MCTP2: variants seen among roughly 807,000 people sequenced by gnomAD.
MCTP2 encodes multiple C2 and transmembrane domain containing 2.
A neutral mutation model predicts 111.6 loss-of-function variants in MCTP2; 132 were observed. That is an observed-to-expected ratio of 1.18 (90% confidence interval 1.03 to 1.37). The LOEUF (loss-of-function observed/expected upper bound fraction) is 1.37, where lower values mean the gene tolerates loss of function less well. Among genes scored for constraint, MCTP2 ranks in the 40% most tolerant of loss-of-function variants. The probability of loss-of-function intolerance (pLI) is 0.00; values close to 1 mark genes in which losing one functional copy is unlikely to be tolerated. For missense variants in MCTP2, 1,183 were observed against 1,067.9 expected (o/e 1.11, Z -1.50); for synonymous variants, 395 against 387.7 (o/e 1.02, Z -0.22).
chr15:94,277,970 A>G (rs1359424091), intron 1 of MCTP2, among the ~76,000 whole-genome samples: 1 of 152,184 alleles, frequency 6.6e-6, no homozygotes, highest in Non-Finnish European at 1.5e-5. Flanking sequence ...AAATCTCTAT[A>G]CTTTCTACAC....
intron 22 of MCTP2, among the ~76,000 whole-genome samples, chr15:94,477,371 T>C (rs1308375112): frequency 6.6e-6 from 1 of 152,154 alleles, no homozygotes; most frequent in Non-Finnish European, 1.5e-5. Context: ...CAGATAATGG[T>C]CACCTAGTCC....
At chr15:94,311,356 T>C (rs1025845922) in intron 2 of MCTP2, among the ~76,000 whole-genome samples, 1 of 152,176 alleles carries the variant, frequency 6.6e-6, no homozygotes, top group East Asian at 1.9e-4. Context: ...TCTCGTAATA[T>C]TGGTATTCTG....
At chr15:94,414,660 T>C (rs1016026584) in intron 17 of MCTP2, among the ~76,000 whole-genome samples, 1 of 152,158 alleles carries the variant, frequency 6.6e-6, no homozygotes, top group African/African-American at 2.4e-5. Context: ...AGGATTTTAT[T>C]TGATTTTCCC....
At chr15:94,404,574 C>T (rs1448153281) in intron 17 of MCTP2, among the ~76,000 whole-genome samples, 10 of 152,186 alleles carry the variant, frequency 6.6e-5, no homozygotes, top group Non-Finnish European at 1.3e-4. Flanking sequence ...GCTAGGATTA[C>T]AGGCTTGAGC....
chr15:94,443,428 T>A (rs2083904056), intron 19 of MCTP2, among the ~76,000 whole-genome samples: 1 of 152,204 alleles, frequency 6.6e-6, no homozygotes, highest in African/African-American at 2.4e-5. Context: ...CCTGGGAGAA[T>A]CTCTCAAATC....
chr15:94,421,084 G>A (rs900042437), intron 17 of MCTP2, among the ~76,000 whole-genome samples: 2 of 147,184 alleles, frequency 1.4e-5, no homozygotes, highest in Admixed American at 6.8e-5. Context: ...CTGAAAGCTC[G>A]GATGATAGTA....
chr15:94,305,026 G>A (rs991876193), intron 2 of MCTP2, among the ~76,000 whole-genome samples: 3 of 152,122 alleles, frequency 2.0e-5, no homozygotes, highest in African/African-American at 7.2e-5. Flanking sequence ...GTATGTCTGG[G>A]TGCTGACGGA....
At chr15:94,421,715 C>A (rs2082637746) in intron 17 of MCTP2, among the ~76,000 whole-genome samples, 2 of 152,172 alleles carry the variant, frequency 1.3e-5, no homozygotes, top group Non-Finnish European at 2.9e-5. Context: ...CTTTTAAGAA[C>A]CCTTGGGATT....
At chr15:94,454,740 CTT>C (rs776868017) in intron 19 of MCTP2, among the ~76,000 whole-genome samples, 44 of 151,916 alleles carry the variant, frequency 2.9e-4, no homozygotes, top group Admixed American at 1.4e-3. Context: ...CCAAAAAACA[CTT>C]TATTTTTCTA....
intron 4 of MCTP2, among the ~76,000 whole-genome samples, chr15:94,336,460 ACCT>A (rs2077364989): frequency 6.6e-6 from 1 of 151,902 alleles, no homozygotes; most frequent in Admixed American, 6.6e-5. Context: ...GCACCATGTA[ACCT>A]CCTGGAGTGC....
chr15:94,470,649 G>A (rs904937875), intron 21 of MCTP2, among the ~76,000 whole-genome samples: 1 of 152,200 alleles, frequency 6.6e-6, no homozygotes, highest in African/African-American at 2.4e-5. Flanking sequence ...TAGGCCTCTT[G>A]CATAATTGCA....
intron 11 of MCTP2, among the ~76,000 whole-genome samples, chr15:94,369,097 A>G (rs913635284): frequency 1.1e-4 from 17 of 152,196 alleles, no homozygotes; most frequent in African/African-American, 4.1e-4. Context: ...TTCATTTCAA[A>G]TGCGTTCTCT....
At chr15:94,261,208 T>C (rs944499253) in intron 1 of MCTP2, among the ~76,000 whole-genome samples, 1 of 152,180 alleles carries the variant, frequency 6.6e-6, no homozygotes, top group African/African-American at 2.4e-5. Flanking sequence ...CTCCCTAAAA[T>C]GTATAAAACC....
intron 1 of MCTP2, chr15:94,273,796 G>A: frequency 4.8e-6 from 1 of 206,584 alleles, no homozygotes; most frequent in South Asian, 1.1e-4. Context: ...TATTCAGAAA[G>A]AAATATGTCC....
chr15:94,320,683 C>A (rs2076594355), intron 4 of MCTP2, among the ~76,000 whole-genome samples: 1 of 152,104 alleles, frequency 6.6e-6, no homozygotes, highest in Non-Finnish European at 1.5e-5. Context: ...CACTGGTGTT[C>A]TTCTGGGGCT....
At chr15:94,287,932 G>A (rs562861621) in intron 1 of MCTP2, among the ~76,000 whole-genome samples, 1 of 152,320 alleles carries the variant, frequency 6.6e-6, no homozygotes, top group South Asian at 2.1e-4. Context: ...GAAGCTAAGA[G>A]GGAGGGGGAA....
Position 94,298,330 on chromosome 15 carries a change from A to G in MCTP2, c.65A>G (p.Asn22Ser). 2 of 1,614,150 alleles carry G rather than the reference A, an allele frequency of 1.2e-6. No homozygotes were observed. The highest frequency in any genetic ancestry group is 1.7e-6 in the Non-Finnish European group (2 of 1,180,006). ...LKQRTRPLLINLSKKKVKKNP... is the reference protein window; with the variant it reads ...LKQRTRPLLISLSKKKVKKNP... ...CAGCGGACCAGGCCATTGTTGATCA[A>G]CTTGAGCAAGAAGAAGGTGAAAAAG... is the stretch of plus-strand genomic sequence containing the variant. Residue 22 changes from asparagine (N) to serine (S), a missense_variant, in exon 2 of 23, where the codon AAC becomes AGC. Coordinates refer to ENST00000357742, the MANE Select transcript of MCTP2 (RefSeq NM_001385001.1).
At chr15:94,393,283 T>A (rs2081096530) in intron 14 of MCTP2, among the ~76,000 whole-genome samples, 2 of 152,134 alleles carry the variant, frequency 1.3e-5, no homozygotes, top group Non-Finnish European at 2.9e-5. Context: ...TGTCTAAGAT[T>A]TATGTGAAGA....
At chr15:94,326,012 G>A (rs999555091) in intron 4 of MCTP2, among the ~76,000 whole-genome samples, 1 of 151,696 alleles carries the variant, frequency 6.6e-6, no homozygotes, top group African/African-American at 2.4e-5. Flanking sequence ...TAGTGATGGG[G>A]GTTTCACCAT....
Sources: allele counts gnomAD v4.1 joint callset (sites outside exome capture counted in the v4.1 genomes callset), GRCh38; gene constraint gnomAD v4.1.1; transcripts MANE v1.5; gene names NCBI Gene and HGNC (gene_info 2026-07-23, HGNC 2026-07-21).